Variants in EFCAB3 observed in about 807,000 individuals in gnomAD.
The protein encoded by EFCAB3 is EF-hand calcium-binding domain-containing protein 3.
In EFCAB3, 36 loss-of-function variants were observed where a neutral mutation model predicts 42.2. The observed-to-expected ratio is 0.85, with a 90% CI of 0.65 to 1.13. The LOEUF is 1.13. EFCAB3 is among the 50% of genes most tolerant of loss of function. The probability of loss-of-function intolerance (pLI) is 0.00; values close to 1 mark genes in which losing one functional copy is unlikely to be tolerated. For synonymous variants in EFCAB3, 170 were observed against 172.8 expected (o/e 0.98, Z 0.13); for missense variants, 418 against 505.1 (o/e 0.83, Z 1.65).
chr17:62,392,407 CTG>C (rs1201275507), intron 4 of EFCAB3, among the ~76,000 whole-genome samples: 1 of 151,866 alleles, frequency 6.6e-6, no homozygotes, highest in African/African-American at 2.4e-5. Context: ...TTGAAAAACA[CTG>C]TGTGGAAGCT....
chr17:62,374,172 A>G (rs960768794), intron 2 of EFCAB3, among the ~76,000 whole-genome samples: 1 of 152,254 alleles, frequency 6.6e-6, no homozygotes, highest in East Asian at 1.9e-4. Context: ...TTTTATAAAT[A>G]TAGCTAGGCC....
At chr17:62,376,548 C>T (rs1302337246), upstream of EFCAB3, among the ~76,000 whole-genome samples, 1 of 152,146 alleles carries the variant, frequency 6.6e-6, no homozygotes, top group African/African-American at 2.4e-5. Flanking sequence ...CATTTGCCTT[C>T]AAATATACTA....
intron 1 of EFCAB3, among the ~76,000 whole-genome samples, chr17:62,371,785 G>C (rs1242698070): frequency 6.6e-6 from 1 of 152,142 alleles, no homozygotes; most frequent in South Asian, 2.1e-4. Context: ...ATTGTTTATT[G>C]AGTCTATTTA....
intron 6 of EFCAB3, among the ~76,000 whole-genome samples, chr17:62,399,201 CT>C (rs2070380302): frequency 7.4e-6 from 1 of 135,556 alleles, no homozygotes; most frequent in African/African-American, 2.6e-5. Flanking sequence ...TTTTTTTTTT[CT>C]TTTTTGAGAC....
At chr17:62,396,359 C>G (rs1387541313) in intron 6 of EFCAB3, among the ~76,000 whole-genome samples, 2 of 152,044 alleles carry the variant, frequency 1.3e-5, no homozygotes, top group African/African-American at 4.8e-5. Flanking sequence ...TCGAGACCAG[C>G]CTGGCCAACA....
intron 3 of EFCAB3, 139 bp from the exon 4 acceptor site, chr17:62,391,683 T>C (rs535003773): frequency 2.3e-6 from 2 of 864,028 alleles, no homozygotes; most frequent in African/African-American, 1.7e-5. Context: ...ATAAGAAATG[T>C]CTATTAAGCA....
chr17:62,386,372 A>G (rs2070251191), intron 2 of EFCAB3, among the ~76,000 whole-genome samples: 1 of 152,134 alleles, frequency 6.6e-6, no homozygotes, highest in African/African-American at 2.4e-5. Flanking sequence ...TCAAATTTTC[A>G]GAGGTGTTCT....
At chr17:62,394,248 C>T (rs745581308) in intron 5 of EFCAB3, among the ~76,000 whole-genome samples, 44 of 152,174 alleles carry the variant, frequency 2.9e-4, no homozygotes, top group Non-Finnish European at 2.6e-4. Flanking sequence ...CCACCACGCC[C>T]AGCCTATAAT....
intron 9 of EFCAB3, 52 bp from the exon 10 acceptor site, chr17:62,415,951 A>T: frequency 2.1e-6 from 3 of 1,430,828 alleles, no homozygotes; most frequent in Non-Finnish European, 2.9e-6. Context: ...GTGGTCCACA[A>T]ATCAAAGCTA....
chr17:62,401,586 A>G (rs1408531226), intron 6 of EFCAB3, among the ~76,000 whole-genome samples: 1 of 152,222 alleles, frequency 6.6e-6, no homozygotes, highest in Admixed American at 6.5e-5. Flanking sequence ...TTTGTCAAAG[A>G]TCAGACAGTT....
intron 6 of EFCAB3, among the ~76,000 whole-genome samples, chr17:62,405,376 A>G (rs368641021): frequency 2.0e-5 from 3 of 152,358 alleles, no homozygotes; most frequent in Admixed American, 6.5e-5. Flanking sequence ...GAGAGGAAAG[A>G]AAAGGTTGTC....
intron 6 of EFCAB3, among the ~76,000 whole-genome samples, chr17:62,396,410 A>C (rs1435717519): frequency 6.6e-6 from 1 of 151,966 alleles, no homozygotes; most frequent in Non-Finnish European, 1.5e-5. Context: ...AAAATTAGCC[A>C]GGCATAGTGG....
chr17:62,391,762 A>G (rs1320206013), intron 3 of EFCAB3, 60 bp from the exon 4 acceptor site: 53 of 1,563,288 alleles, frequency 3.4e-5, no homozygotes, highest in Non-Finnish European at 4.5e-5. Context: ...TCCTAGTCCT[A>G]TTAGTGTATG....
intron 2 of EFCAB3, among the ~76,000 whole-genome samples, chr17:62,383,817 A>T (rs2070225286): frequency 6.6e-6 from 1 of 152,178 alleles, no homozygotes; most frequent in Non-Finnish European, 1.5e-5. Context: ...ACCAAGTCAA[A>T]GTGTAGAAAA....
intron 2 of EFCAB3, among the ~76,000 whole-genome samples, chr17:62,384,209 T>C (rs1224238208): frequency 1.3e-5 from 2 of 152,180 alleles, no homozygotes; most frequent in African/African-American, 4.8e-5. Flanking sequence ...GAAGGCTGGA[T>C]TGGGTTCATT....
intron 1 of EFCAB3, among the ~76,000 whole-genome samples, chr17:62,371,200 A>G (rs2070112224): frequency 1.3e-5 from 2 of 152,086 alleles, no homozygotes; most frequent in Admixed American, 1.3e-4. Context: ...ATGCTGGTGC[A>G]TGAGCCACCT....
chr17:62,408,921 T>A (rs953984524), intron 8 of EFCAB3, among the ~76,000 whole-genome samples: 1 of 152,212 alleles, frequency 6.6e-6, no homozygotes, highest in African/African-American at 2.4e-5. Context: ...TCACCTCTTT[T>A]AGGTCTTGTC....
At chr17:62,406,991 A>G (rs1395122058) in intron 7 of EFCAB3, 37 bp from the exon 8 acceptor site, 5 of 1,549,650 alleles carry the variant, frequency 3.2e-6, no homozygotes, top group Non-Finnish European at 4.3e-6. Context: ...TTCTTCTTAC[A>G]TTGTTTGTGA....
At chr17:62,372,010 T>C (rs893550531) in intron 1 of EFCAB3, among the ~76,000 whole-genome samples, 2 of 152,216 alleles carry the variant, frequency 1.3e-5, no homozygotes, top group African/African-American at 2.4e-5. Context: ...AAATATTTAT[T>C]GGTCACTGAA....
Sources: gnomAD v4.1 joint callset for allele counts (sites outside exome capture counted in the v4.1 genomes callset) on GRCh38, gnomAD v4.1.1 for gene constraint, MANE v1.5 for transcripts, NCBI Gene and HGNC (gene_info 2026-07-23, HGNC 2026-07-21) for gene names.